The following IL1RL1 variants were observed in gnomAD, a reference collection of about 807,000 sequenced individuals.
The protein encoded by IL1RL1 is interleukin 1 receptor like 1.
A neutral mutation model predicts 50.9 loss-of-function variants in IL1RL1; 32 were observed. That is an observed-to-expected ratio of 0.63 (90% CI 0.47 to 0.84). IL1RL1 has a LOEUF of 0.84. Among genes scored for constraint, IL1RL1 ranks in the 40% least tolerant of loss-of-function variants. IL1RL1 has a pLI of 0.00. For missense variants in IL1RL1, 773 were observed against 662.9 expected (o/e 1.17, Z -1.82); for synonymous variants, 275 against 236.0 (o/e 1.17, Z -1.51).
At chr2:102,327,841 T>G (rs1677057497) in intron 1 of IL1RL1, among the ~76,000 whole-genome samples, 1 of 152,028 alleles carries the variant, frequency 6.6e-6, no homozygotes, top group South Asian at 2.1e-4. Context: ...AATAACAGGC[T>G]CTGAAATTGA....
chr2:102,345,424 C>G, intron 8 of IL1RL1: 2 of 984,872 alleles, frequency 2.0e-6, no homozygotes, highest in East Asian at 2.3e-4. Context: ...TTACACTCAT[C>G]ACTCCTCAGG....
chr2:102,337,038 G>A (rs912649252), intron 1 of IL1RL1: 1 of 152,188 alleles, frequency 6.6e-6, no homozygotes, highest in African/African-American at 2.4e-5. Flanking sequence ...TAATCAGCCT[G>A]AGAAGTTGAT....
intron 1 of IL1RL1, among the ~76,000 whole-genome samples, chr2:102,324,781 C>A (rs1304771806): frequency 1.3e-5 from 2 of 152,180 alleles, no homozygotes; most frequent in African/African-American, 4.8e-5. Context: ...GATCAAACTG[C>A]AAGTTGGCAG....
chr2:102,338,779 G>T (rs1677426204), intron 2 of IL1RL1, 58 bp from the exon 3 acceptor site: 1 of 1,308,958 alleles, frequency 7.6e-7, no homozygotes, highest in Admixed American at 1.9e-5. Flanking sequence ...GAGAGTATAA[G>T]AATTATGATC....
intron 1 of IL1RL1, among the ~76,000 whole-genome samples, chr2:102,336,507 T>C (rs1389651642): frequency 1.3e-5 from 2 of 152,176 alleles, no homozygotes; most frequent in African/African-American, 4.8e-5. Context: ...GTAGGTTGAG[T>C]TTACTCATGA....
chr2:102,345,932 G>C, intron 8 of IL1RL1: 1 of 985,432 alleles, frequency 1.0e-6, no homozygotes, highest in Non-Finnish European at 1.2e-6. Flanking sequence ...CGTTATCATT[G>C]ATCAATGTCC....
chr2:102,348,014 T>C lies in IL1RL1; in HGVS notation c.1040T>C (p.Val347Ala), dbSNP rs188567206. 1.1e-5 allele frequency: 18 copies of C among 1,594,316 alleles called. No homozygotes were observed. In the African/African-American group the frequency reaches 1.6e-4, roughly 14 times the overall value. Reference protein sequence around the residue: ...SVFLMLINVLVIILKMFWIEA... With the variant: ...SVFLMLINVLAIILKMFWIEA... ...TTTTTAATGCTAATCAATGTCCTGG[T>C]TATCATCCTAAAAATGTTCTGGATT... The change falls in exon 9 of 11, where the codon GTT becomes GCT. Residue 347 changes from valine (V) to alanine (A), a missense_variant. Val to Ala is a moderately conservative substitution (Grantham distance 64). Transcript: ENST00000233954.
chr2:102,334,856 C>T (rs1677269199), intron 1 of IL1RL1, among the ~76,000 whole-genome samples: 1 of 152,090 alleles, frequency 6.6e-6, no homozygotes, highest in African/African-American at 2.4e-5. Context: ...TTCCATATGC[C>T]AGCAGTTAGT....
chr2:102,322,148 G>A (rs977785175), intron 1 of IL1RL1, among the ~76,000 whole-genome samples: 1 of 152,190 alleles, frequency 6.6e-6, no homozygotes, highest in South Asian at 2.1e-4. Flanking sequence ...TTGTAGTCTT[G>A]ACTCTGAATT....
intron 1 of IL1RL1, among the ~76,000 whole-genome samples, chr2:102,315,135 G>C (rs1676639468): frequency 6.6e-6 from 1 of 152,118 alleles, no homozygotes; most frequent in Admixed American, 6.6e-5. Flanking sequence ...GTGTCTGAGG[G>C]CCGAGTCATT....
At chr2:102,317,563 T>C (rs1676713882) in intron 1 of IL1RL1, among the ~76,000 whole-genome samples, 1 of 152,146 alleles carries the variant, frequency 6.6e-6, no homozygotes, top group African/African-American at 2.4e-5. Flanking sequence ...GTAAGTACAA[T>C]TTGTGATATT....
At chr2:102,340,040 G>C in intron 3 of IL1RL1, 58 bp from the exon 4 acceptor site, 1 of 1,040,326 alleles carries the variant, frequency 9.6e-7, no homozygotes, top group Non-Finnish European at 1.3e-6. Flanking sequence ...GCTGAATTTA[G>C]ATTAAGTTAT....
chr2:102,316,772 A>G (rs1220872399), intron 1 of IL1RL1, among the ~76,000 whole-genome samples: 2 of 152,186 alleles, frequency 1.3e-5, no homozygotes, highest in Non-Finnish European at 2.9e-5. Context: ...GATACAGACT[A>G]TTTAAGAGAC....
intron 10 of IL1RL1, among the ~76,000 whole-genome samples, chr2:102,350,153 T>TC (rs1473786342): frequency 6.6e-6 from 1 of 152,198 alleles, no homozygotes; most frequent in Non-Finnish European, 1.5e-5. Context: ...GCTCTCTTCT[T>TC]CCCCCATTTT....
At chr2:102,331,571 C>T (rs891549727) in intron 1 of IL1RL1, among the ~76,000 whole-genome samples, 2 of 152,192 alleles carry the variant, frequency 1.3e-5, no homozygotes, top group African/African-American at 4.8e-5. Context: ...CATCTGTTCT[C>T]GGCCCAGGAG....
At chr2:102,312,674 T>A (rs920975270) in intron 1 of IL1RL1, among the ~76,000 whole-genome samples, 4 of 151,582 alleles carry the variant, frequency 2.6e-5, no homozygotes, top group African/African-American at 7.3e-5. Context: ...GGGGTGGATA[T>A]GAGGATATGA....
chr2:102,344,527 G>C (rs1487734161), intron 8 of IL1RL1: 1 of 220,302 alleles, frequency 4.5e-6, no homozygotes, highest in Non-Finnish European at 7.6e-6. Context: ...AAGTACTCTT[G>C]TAGCATCCTG....
At chr2:102,351,138 G>A (rs990731895) in intron 10 of IL1RL1, among the ~76,000 whole-genome samples, 2 of 152,154 alleles carry the variant, frequency 1.3e-5, no homozygotes, top group Admixed American at 6.5e-5. Flanking sequence ...TTTTTAATAT[G>A]TGAGTTAAAA....
At position 102,344,926 on chromosome 2, in the gene IL1RL1, A is replaced by G. The variant is rs181363166; in HGVS notation, c.970+1511A>G. On this transcript the variant is annotated intron_variant, in intron 8 of 10. Transcript: ENST00000233954. Reference sequence around the variant, plus strand: ...TTTAATGATATCATTATAATTTGACACAATAAAAGGACAACATGAAACTGA... The same window carrying G: ...TTTAATGATATCATTATAATTTGACGCAATAAAAGGACAACATGAAACTGA... 25 of 968,344 alleles carry G rather than the reference A, an allele frequency of 2.6e-5. 1 individual carries two copies. In the Admixed American group the frequency reaches 1.4e-3, roughly 55 times the overall value. 60.0% of individuals were successfully genotyped at this position (968,344 alleles called of 1,614,324 possible).
Sources: gnomAD v4.1 joint callset for allele counts (sites outside exome capture counted in the v4.1 genomes callset) on GRCh38, gnomAD v4.1.1 for gene constraint, MANE v1.5 for transcripts, NCBI Gene and HGNC (gene_info 2026-07-23, HGNC 2026-07-21) for gene names.